EYS: variants seen among roughly 807,000 people sequenced by gnomAD.
EYS encodes protein eyes shut homolog.
EYS carries 250 observed loss-of-function variants against 282.1 expected under a neutral mutation model. The ratio of observed to expected loss-of-function variants is 0.89; its 90% confidence interval spans 0.80 to 0.98. The LOEUF is 0.98. EYS is among the 50% of genes least tolerant of loss of function. The pLI is 0.00. For missense variants in EYS, 4,016 were observed against 3,709.0 expected (o/e 1.08, Z -2.15); for synonymous variants, 1,355 against 1,282.9 (o/e 1.06, Z -1.20).
chr6:64,543,399 CT>C (rs147389044), intron 26 of EYS, among the ~76,000 whole-genome samples: 1 of 151,876 alleles, frequency 6.6e-6, no homozygotes, highest in Non-Finnish European at 1.5e-5. Context: ...AAGAAATTGG[CT>C]TTTTTCCTTG....
chr6:65,134,878 T>A (rs1398494193), intron 12 of EYS, among the ~76,000 whole-genome samples: 1 of 151,990 alleles, frequency 6.6e-6, no homozygotes, highest in Non-Finnish European at 1.5e-5. Flanking sequence ...ATAAGAATAA[T>A]GGACAAGATC....
chr6:64,776,522 T>C (rs1773681083), intron 22 of EYS, among the ~76,000 whole-genome samples: 1 of 152,072 alleles, frequency 6.6e-6, no homozygotes, highest in African/African-American at 2.4e-5. Flanking sequence ...TTCTATTCTT[T>C]GAAGGAAAAA....
In EYS at chr6:65,612,947, G is replaced by A. The variant is rs566379275; in HGVS notation, c.-333+26831C>T. 1.6e-4 allele frequency among the ~76,000 whole-genome samples: 25 copies of A among 151,672 alleles called. No individual in the cohort carries two copies. The East Asian group carries it at 4.6e-3, about 28-fold the overall frequency. The stretch of plus-strand genomic sequence containing the variant: ...AAAAATATGAAGGCTGTTTAGGTAT[G>A]AATTTTTCTTGAGCATTACTGTGTA... On this transcript the variant is annotated intron_variant, in intron 2 of 42. Transcript: ENST00000503581.
At chr6:64,858,773 A>G (rs1037691791) in intron 19 of EYS, among the ~76,000 whole-genome samples, 1 of 152,188 alleles carries the variant, frequency 6.6e-6, no homozygotes, top group Admixed American at 6.5e-5. Context: ...TCATGTTAAA[A>G]TTCAACTGCC....
intron 26 of EYS, among the ~76,000 whole-genome samples, chr6:64,545,606 G>C (rs1764832001): frequency 6.6e-6 from 1 of 152,168 alleles, no homozygotes; most frequent in Admixed American, 6.5e-5. Flanking sequence ...TGACATGACT[G>C]TATATCTAGA....
chr6:64,865,529 G>A (rs1429441493), intron 19 of EYS, among the ~76,000 whole-genome samples: 1 of 152,102 alleles, frequency 6.6e-6, no homozygotes, highest in Non-Finnish European at 1.5e-5. Context: ...ATATAGGTGT[G>A]CATTGGAATG....
At chr6:65,052,106 G>T (rs922356859) in intron 13 of EYS, among the ~76,000 whole-genome samples, 2 of 151,342 alleles carry the variant, frequency 1.3e-5, no homozygotes, top group East Asian at 1.9e-4. Flanking sequence ...ATTGGGTAAG[G>T]GTTGCCTTAT....
intron 26 of EYS, among the ~76,000 whole-genome samples, chr6:64,446,857 CA>C (rs1775133001): frequency 6.6e-6 from 1 of 151,802 alleles, no homozygotes; most frequent in Admixed American, 6.6e-5. Context: ...TTGCTCTCCA[CA>C]GTATATATCA....
chr6:65,442,493 G>A (rs1448264254), intron 5 of EYS, among the ~76,000 whole-genome samples: 1 of 151,924 alleles, frequency 6.6e-6, no homozygotes, highest in Non-Finnish European at 1.5e-5. Context: ...AGTGGTTCAT[G>A]CCTGTAATCC....
intron 15 of EYS, among the ~76,000 whole-genome samples, chr6:64,937,124 C>T (rs539211531): frequency 6.6e-6 from 1 of 151,530 alleles, no homozygotes; most frequent in Non-Finnish European, 1.5e-5. Context: ...CTTTACCTCA[C>T]ACCACACACA....
chr6:65,529,212 G>T (rs988297098), intron 2 of EYS, among the ~76,000 whole-genome samples: 7 of 152,052 alleles, frequency 4.6e-5, no homozygotes, highest in Admixed American at 2.0e-4. Flanking sequence ...TGCAAGGAGT[G>T]ACACATTTTA....
At chr6:65,054,271 C>T (rs1773353272) in intron 13 of EYS, among the ~76,000 whole-genome samples, 1 of 151,864 alleles carries the variant, frequency 6.6e-6, no homozygotes, top group Non-Finnish European at 1.5e-5. Context: ...GTTTATCTCT[C>T]AGTATAATAG....
At chr6:64,540,898 G>C (rs1257610496) in intron 26 of EYS, among the ~76,000 whole-genome samples, 1 of 152,136 alleles carries the variant, frequency 6.6e-6, no homozygotes, top group Non-Finnish European at 1.5e-5. Context: ...GATACAAAGA[G>C]AATTAACAGG....
intron 13 of EYS, among the ~76,000 whole-genome samples, chr6:65,003,612 G>A (rs1771538648): frequency 6.8e-6 from 1 of 147,006 alleles, no homozygotes; most frequent in Non-Finnish European, 1.5e-5. Context: ...TTTGTGTCTT[G>A]TGGGGCATCA....
intron 19 of EYS, among the ~76,000 whole-genome samples, chr6:64,876,337 G>A (rs1182427762): frequency 6.6e-6 from 1 of 151,966 alleles, no homozygotes; most frequent in East Asian, 1.9e-4. Flanking sequence ...TTTATTGGCA[G>A]CATGAGAAGA....
At chr6:65,440,904 A>C (rs184796574) in intron 5 of EYS, among the ~76,000 whole-genome samples, 5 of 147,216 alleles carry the variant, frequency 3.4e-5, no homozygotes, top group Non-Finnish European at 6.0e-5. Flanking sequence ...TATGTATAAT[A>C]TATATATAAA....
chr6:65,702,490 G>T (rs1395564067), intron 1 of EYS, among the ~76,000 whole-genome samples: 1 of 152,202 alleles, frequency 6.6e-6, no homozygotes, highest in East Asian at 1.9e-4. Context: ...TCAGGATTTT[G>T]AGACCAGCCT....
intron 5 of EYS, among the ~76,000 whole-genome samples, chr6:65,488,262 T>C (rs992596716): frequency 6.6e-6 from 1 of 152,204 alleles, no homozygotes; most frequent in African/African-American, 2.4e-5. Flanking sequence ...TTAATTGTGA[T>C]GTTAGGATGT....
intron 36 of EYS, among the ~76,000 whole-genome samples, chr6:63,841,333 A>G (rs1454344633): frequency 6.6e-6 from 1 of 152,194 alleles, no homozygotes; most frequent in Non-Finnish European, 1.5e-5. Flanking sequence ...ATTCAGAGTA[A>G]TATAAAAGTT....
Sources: gnomAD v4.1 joint callset for allele counts (sites outside exome capture counted in the v4.1 genomes callset) on GRCh38, gnomAD v4.1.1 for gene constraint, MANE v1.5 for transcripts, NCBI Gene and HGNC (gene_info 2026-07-23, HGNC 2026-07-21) for gene names.